Variants in MGAT4C observed in about 807,000 individuals in gnomAD.
MGAT4C encodes the protein alpha-1,3-mannosyl-glycoprotein 4-beta-N-acetylglucosaminyltransferase C.
Under a neutral mutation model 40.1 loss-of-function variants are expected in MGAT4C, and 19 were observed. The observed-to-expected ratio is 0.47, with a 90% CI of 0.33 to 0.70. MGAT4C has a LOEUF of 0.70. Among genes scored for constraint, MGAT4C ranks in the 30% least tolerant of loss-of-function variants. MGAT4C has a pLI of 0.02. For synonymous variants in MGAT4C, 181 were observed against 187.1 expected, an observed-to-expected ratio of 0.97 and a Z score of 0.27; for missense variants, 491 against 563.2, an observed-to-expected ratio of 0.87 and a Z score of 1.30.
intron 2 of MGAT4C, among the ~76,000 whole-genome samples, chr12:86,700,035 A>ATAGATAGATAGATAG (rs1950327765): frequency 1.6e-4 from 23 of 147,738 alleles, no homozygotes; most frequent in African/African-American, 4.0e-4. Flanking sequence ...AATTTAGATA[A>ATAGATAGATAGATAG]ATAGATAGAT....
chr12:86,578,842 C>T (rs1401102675), intron 2 of MGAT4C, among the ~76,000 whole-genome samples: 4 of 151,222 alleles, frequency 2.6e-5, no homozygotes, highest in Admixed American at 6.6e-5. Flanking sequence ...TTTATTTCAT[C>T]TATTTCTGCT....
chr12:86,470,535 A>G (rs1362304334), intron 2 of MGAT4C, among the ~76,000 whole-genome samples: 1 of 152,150 alleles, frequency 6.6e-6, no homozygotes, highest in Non-Finnish European at 1.5e-5. Context: ...TGAATCTCTA[A>G]TGTGTTCTTG....
At position 86,112,356 on chromosome 12, in the gene MGAT4C, G is replaced by A. The variant is rs997807372; in HGVS notation, c.-56-62633C>T. On this transcript the variant is annotated intron_variant, in intron 1 of 4. Transcript: ENST00000611864. ...GTTTTTACATTAAATGCAATGAGAC[G>A]TACTTAATGTCCTTGTAGGCTCATC... 2.9e-4 allele frequency among the ~76,000 whole-genome samples: 43 copies of A among 150,846 alleles called. 1 individual carries two copies. Among genetic ancestry groups the A allele is most frequent in the South Asian group, 2.1e-4 (1 of 4,780 alleles).
chr12:86,223,251 C>T (rs936259843), intron 1 of MGAT4C, among the ~76,000 whole-genome samples: 2 of 152,224 alleles, frequency 1.3e-5, no homozygotes, highest in Admixed American at 1.3e-4. Flanking sequence ...CCCACAGCTA[C>T]CTGCCGGTGC....
chr12:86,181,680 C>T (rs922944064), intron 1 of MGAT4C, among the ~76,000 whole-genome samples: 3 of 152,076 alleles, frequency 2.0e-5, no homozygotes, highest in Non-Finnish European at 2.9e-5. Flanking sequence ...TCAGAGTCAT[C>T]TAAATTTTAC....
At chr12:86,543,401 A>G (rs1267964069) in intron 2 of MGAT4C, among the ~76,000 whole-genome samples, 1 of 151,822 alleles carries the variant, frequency 6.6e-6, no homozygotes, top group Non-Finnish European at 1.5e-5. Flanking sequence ...AGTCTCTGAC[A>G]GTAAAAATAT....
intron 2 of MGAT4C, among the ~76,000 whole-genome samples, chr12:86,550,007 G>C (rs1322431189): frequency 2.0e-5 from 3 of 152,126 alleles, no homozygotes; most frequent in African/African-American, 4.8e-5. Flanking sequence ...CCTGTCCAGG[G>C]AGCAAGGTGA....
chr12:86,557,110 G>GTA (rs2136403550), intron 2 of MGAT4C, among the ~76,000 whole-genome samples: 1 of 152,108 alleles, frequency 6.6e-6, no homozygotes, highest in South Asian at 2.1e-4. Flanking sequence ...TAGAAATAAG[G>GTA]TATACACTTT....
chr12:86,831,623 C>T (rs772333467), intron 1 of MGAT4C, among the ~76,000 whole-genome samples: 5 of 151,602 alleles, frequency 3.3e-5, no homozygotes, highest in Admixed American at 6.6e-5. Context: ...ATGTAATGTA[C>T]GTAGTTATCC....
chr12:86,460,201 T>C (rs1298111892), intron 2 of MGAT4C, among the ~76,000 whole-genome samples: 1 of 152,022 alleles, frequency 6.6e-6, no homozygotes, highest in African/African-American at 2.4e-5. Flanking sequence ...CCTCAAAAAG[T>C]ACAAAAAAAG....
intron 2 of MGAT4C, among the ~76,000 whole-genome samples, chr12:86,634,002 G>A (rs754145556): frequency 3.3e-5 from 5 of 151,994 alleles, no homozygotes; most frequent in African/African-American, 4.8e-5. Flanking sequence ...AGAAATCAAC[G>A]GGGAAACAGA....
chr12:86,163,626 T>A (rs1023221907), intron 1 of MGAT4C, among the ~76,000 whole-genome samples: 1 of 152,224 alleles, frequency 6.6e-6, no homozygotes, highest in Non-Finnish European at 1.5e-5. Flanking sequence ...TATCACTAGA[T>A]CAGTCTTTTA....
intron 2 of MGAT4C, among the ~76,000 whole-genome samples, chr12:86,488,447 C>T (rs1158120095): frequency 6.6e-6 from 1 of 151,366 alleles, no homozygotes; most frequent in African/African-American, 2.4e-5. Context: ...AACAAAAAAC[C>T]CAAAATGAAA....
chr12:86,388,970 C>T (rs1956115785), intron 3 of MGAT4C, among the ~76,000 whole-genome samples: 1 of 152,230 alleles, frequency 6.6e-6, no homozygotes, highest in African/African-American at 2.4e-5. Flanking sequence ...AGGCCTGAAC[C>T]ACCACTCCTG....
At chr12:86,241,371 A>T (rs1045590256) in intron 1 of MGAT4C, among the ~76,000 whole-genome samples, 1 of 152,126 alleles carries the variant, frequency 6.6e-6, no homozygotes, top group Non-Finnish European at 1.5e-5. Flanking sequence ...TTTTCCAAGT[A>T]TCTCTCCCTC....
intron 2 of MGAT4C, among the ~76,000 whole-genome samples, chr12:86,606,137 C>T (rs1269987699): frequency 6.6e-6 from 1 of 151,920 alleles, no homozygotes; most frequent in Non-Finnish European, 1.5e-5. Context: ...ATGGGGGAAA[C>T]CACCCCCATG....
At chr12:86,241,548 C>T (rs2136045841) in intron 1 of MGAT4C, among the ~76,000 whole-genome samples, 1 of 152,260 alleles carries the variant, frequency 6.6e-6, no homozygotes, top group East Asian at 1.9e-4. Flanking sequence ...TTCATTACTG[C>T]TCCAAATTGT....
At chr12:86,445,230 T>A (rs1418407929) in intron 2 of MGAT4C, among the ~76,000 whole-genome samples, 1 of 152,112 alleles carries the variant, frequency 6.6e-6, no homozygotes, top group East Asian at 1.9e-4. Flanking sequence ...AGTTCACACA[T>A]AAAACCTCTA....
chr12:86,089,745 T>G (rs1003189215), intron 1 of MGAT4C, among the ~76,000 whole-genome samples: 2 of 151,696 alleles, frequency 1.3e-5, no homozygotes, highest in Non-Finnish European at 3.0e-5. Flanking sequence ...TCAAGTCACA[T>G]TTTGCCATTT....
Sources: gnomAD v4.1 joint callset for allele counts (sites outside exome capture counted in the v4.1 genomes callset) on GRCh38, gnomAD v4.1.1 for gene constraint, MANE v1.5 for transcripts, NCBI Gene and HGNC (gene_info 2026-07-23, HGNC 2026-07-21) for gene names.